The following MTA3 variants were observed in gnomAD, a reference collection of about 807,000 sequenced individuals.
The protein encoded by MTA3 is metastasis associated 1 family member 3.
MTA3 carries 34 observed loss-of-function variants against 83.5 expected under a neutral mutation model. The observed-to-expected ratio is 0.41, with a 90% confidence interval of 0.31 to 0.54. The LOEUF is 0.54. MTA3 is among the 20% of genes least tolerant of loss of function. MTA3 has a pLI of 0.33. For missense variants in MTA3, 761 were observed against 726.4 expected (o/e 1.05, Z -0.55); for synonymous variants, 303 against 252.7 (o/e 1.20, Z -1.89).
intron 9 of MTA3, among the ~76,000 whole-genome samples, chr2:42,684,051 C>T (rs80108914): frequency 0.015 from 2,226 of 152,204 alleles, 55 homozygotes; most frequent in African/African-American, 0.051. Flanking sequence ...ACAATTAACA[C>T]ATTCATCACC....
At position 42,559,491 on chromosome 2, in the gene MTA3, G is replaced by A. The variant is rs1380376918; in HGVS notation, c.-140-10946G>A. Among the ~76,000 whole-genome samples the A allele has an allele frequency of 2.1e-5, 3 of 145,162 alleles. 1 individual carries two copies. Among genetic ancestry groups the A allele is most frequent in the African/African-American group, 7.7e-5 (3 of 39,062 alleles). ...CACTCCAGCCTAGGCAACAGAGCGA[G>A]ACCTTGTCTCAAAAAAAAAAAAAAA... On this transcript the variant is annotated intron_variant, in intron 2 of 17. Transcript: ENST00000405592.
At chr2:42,616,343 G>A (rs1384257461) in intron 4 of MTA3, among the ~76,000 whole-genome samples, 2 of 151,756 alleles carry the variant, frequency 1.3e-5, no homozygotes, top group Non-Finnish European at 2.9e-5. Context: ...GATTACAGGC[G>A]TGAGCCATTG....
At chr2:42,708,113 T>C in intron 13 of MTA3, 59 bp downstream of exon 13, 1 of 1,525,616 alleles carries the variant, frequency 6.6e-7, no homozygotes, top group Non-Finnish European at 8.8e-7. Flanking sequence ...TGATTATTCC[T>C]TGGAAACAGA....
At chr2:42,619,224 T>C (rs550689855) in intron 4 of MTA3, among the ~76,000 whole-genome samples, 5 of 152,290 alleles carry the variant, frequency 3.3e-5, no homozygotes, top group African/African-American at 4.8e-5. Context: ...AGGAGCAGAA[T>C]GGAAGTTGAG....
At chr2:42,650,999 C>G (rs1040862669) in intron 6 of MTA3, among the ~76,000 whole-genome samples, 2 of 152,134 alleles carry the variant, frequency 1.3e-5, no homozygotes, top group Non-Finnish European at 2.9e-5. Flanking sequence ...TAGATAGGTG[C>G]AGCTTACTAA....
chr2:42,584,195 C>G (rs894717900), intron 3 of MTA3, among the ~76,000 whole-genome samples: 3 of 151,974 alleles, frequency 2.0e-5, no homozygotes, highest in African/African-American at 7.3e-5. Flanking sequence ...TCATCATGTA[C>G]AAGCAGAGAA....
At chr2:42,502,768 G>A (rs1674451159) in intron 2 of MTA3, among the ~76,000 whole-genome samples, 1 of 124,296 alleles carries the variant, frequency 8.0e-6, no homozygotes. Context: ...TTGCACTCCA[G>A]CCTGGGCAAC....
At chr2:42,534,036 G>A (rs961084850) in intron 2 of MTA3, among the ~76,000 whole-genome samples, 1 of 151,930 alleles carries the variant, frequency 6.6e-6, no homozygotes, top group African/African-American at 2.4e-5. Context: ...CAAGAAGGAG[G>A]GACTTTTTCT....
chr2:42,568,785 C>T lies in MTA3; in HGVS notation c.28+12C>T, dbSNP rs747727334. 2.7e-4 allele frequency: 330 copies of T among 1,215,152 alleles called. No individual in the cohort carries two copies. The highest frequency in any genetic ancestry group is 1.1e-3 in the Admixed American group (25 of 23,032). 75.3% of individuals were successfully genotyped at this position (1,215,152 alleles called of 1,614,324 possible). A position where few individuals can be genotyped will look rare whatever the true frequency, so the allele number is the denominator to read the frequency against. On this transcript the variant is annotated intron_variant, in intron 1 of 16. Coordinates refer to ENST00000405094, the MANE Select transcript of MTA3 (RefSeq NM_001330442.2). Reference sequence around the variant, plus strand: ...GTACCGGGTCGGAGGTAGGCAGGCTCGGCCCGACCCGGCCCGTGTGGGAGC... The same window carrying T: ...GTACCGGGTCGGAGGTAGGCAGGCTTGGCCCGACCCGGCCCGTGTGGGAGC...
chr2:42,683,421 G>A (rs1692105195), intron 9 of MTA3, among the ~76,000 whole-genome samples: 1 of 152,098 alleles, frequency 6.6e-6, no homozygotes, highest in Non-Finnish European at 1.5e-5. Context: ...AACCTTTTTG[G>A]CACCAAGGAC....
intron 4 of MTA3, among the ~76,000 whole-genome samples, chr2:42,627,053 A>G (rs916096380): frequency 2.6e-5 from 4 of 151,968 alleles, no homozygotes; most frequent in African/African-American, 9.7e-5. Context: ...CTCCCTTTAT[A>G]CATATTTTGG....
At chr2:42,613,412 T>G (rs1198901123) in intron 4 of MTA3, among the ~76,000 whole-genome samples, 1 of 152,224 alleles carries the variant, frequency 6.6e-6, no homozygotes, top group African/African-American at 2.4e-5. Flanking sequence ...TTTAAACAGC[T>G]GAATGGGGTT....
At chr2:42,550,540 G>A (rs1677061921) in intron 2 of MTA3, among the ~76,000 whole-genome samples, 1 of 152,178 alleles carries the variant, frequency 6.6e-6, no homozygotes, top group Non-Finnish European at 1.5e-5. Context: ...AAATGTGGGT[G>A]CAAGGCTTAG....
intron 9 of MTA3, among the ~76,000 whole-genome samples, chr2:42,692,272 C>T (rs1473351361): frequency 2.0e-5 from 3 of 152,132 alleles, no homozygotes; most frequent in Non-Finnish European, 4.4e-5. Context: ...TGCATTTTTT[C>T]AGCATGTTAA....
intron 5 of MTA3, 139 bp from the exon 6 acceptor site, chr2:42,643,988 G>T: frequency 1.9e-6 from 1 of 513,154 alleles, no homozygotes; most frequent in Non-Finnish European, 3.4e-6. Context: ...TCTCCTTAAA[G>T]ATTTATGAGT....
chr2:42,754,486 C>T lies in MTA3; in HGVS notation c.*1087C>T, dbSNP rs754106063. ...GTTTCCCACCTGCCCTCGGCACGAG[C>T]CCTTGGTGGCATCACAGTTGGCCAC... On this transcript the variant is annotated 3_prime_UTR_variant, in exon 17 of 17. Transcript: ENST00000405094. 2 of 985,546 alleles carry T rather than the reference C, an allele frequency of 2.0e-6. No homozygotes were observed. The highest frequency in any genetic ancestry group is 2.4e-6 in the Non-Finnish European group (2 of 830,036). 61.1% of individuals were successfully genotyped at this position (985,546 alleles called of 1,614,324 possible).
At chr2:42,689,815 T>C (rs1488994797) in intron 9 of MTA3, among the ~76,000 whole-genome samples, 3 of 125,818 alleles carry the variant, frequency 2.4e-5, no homozygotes, top group African/African-American at 1.0e-4. Flanking sequence ...TGGCTAGGAG[T>C]TTATCAGTGT....
intron 3 of MTA3, 96 bp from the exon 4 acceptor site, chr2:42,609,362 A>G (rs2104081830): frequency 1.5e-6 from 2 of 1,310,220 alleles, no homozygotes. Context: ...ATTAGTTTGA[A>G]GAAAATATTG....
intron 8 of MTA3, among the ~76,000 whole-genome samples, chr2:42,661,941 A>T (rs1189673544): frequency 2.6e-5 from 4 of 152,174 alleles, no homozygotes; most frequent in Admixed American, 6.5e-5. Context: ...GCCTCCTTTC[A>T]AGAGCCAGCC....
Sources: allele counts gnomAD v4.1 joint callset (sites outside exome capture counted in the v4.1 genomes callset), GRCh38; gene constraint gnomAD v4.1.1; transcripts MANE v1.5; gene names NCBI Gene and HGNC (gene_info 2026-07-23, HGNC 2026-07-21).